The following SH3BP5L variants were observed in gnomAD, a reference collection of about 807,000 sequenced individuals.
SH3BP5L encodes the protein SH3 binding domain protein 5 like, also known as SH3 domain-binding protein 5-like.
In SH3BP5L, 16 loss-of-function variants were observed where a neutral mutation model predicts 40.9. The observed-to-expected ratio is 0.39, with a 90% CI of 0.27 to 0.59. The LOEUF (loss-of-function observed/expected upper bound fraction) is 0.59, where lower values mean the gene tolerates loss of function less well. Among genes scored for constraint, SH3BP5L ranks in the 20% least tolerant of loss-of-function variants. The probability of loss-of-function intolerance (pLI) is 0.53; values close to 1 mark genes in which losing one functional copy is unlikely to be tolerated. For missense variants in SH3BP5L, 471 were observed against 544.6 expected, an observed-to-expected ratio of 0.86 and a Z score of 1.35; for synonymous variants, 229 against 226.7, an observed-to-expected ratio of 1.01 and a Z score of -0.09.
intron 4 of SH3BP5L, among the ~76,000 whole-genome samples, chr1:248,815,862 CT>C (rs1664091783): frequency 6.6e-6 from 1 of 152,208 alleles, no homozygotes; most frequent in South Asian, 2.1e-4. Context: ...TCACTTCTGC[CT>C]CCTGAAGGAC....
At chr1:248,814,055 T>A (rs984581070) in intron 5 of SH3BP5L, 2 of 205,616 alleles carry the variant, frequency 9.7e-6, no homozygotes, top group Non-Finnish European at 2.0e-5. Flanking sequence ...ACATAAATTA[T>A]ACTTCAAAAC....
intron 2 of SH3BP5L, among the ~76,000 whole-genome samples, chr1:248,822,297 C>T (rs556778752): frequency 2.7e-4 from 41 of 152,198 alleles, no homozygotes; most frequent in Non-Finnish European, 5.6e-4. Flanking sequence ...AAAATGCCAC[C>T]GGCCTCCTCC....
rs368516065 is a variant in SH3BP5L at position 248,816,853 on chromosome 1, T to A, written c.215A>T (p.Glu72Val). Residue 72 changes from glutamate (E) to valine (V), a missense_variant, in exon 3 of 7, where the codon GAG becomes GTG. Around this residue, in one of 2 missense-constraint regions of SH3BP5L, gnomAD observed 275 missense variants for 370.1 expected, o/e 0.74. Transcript: ENST00000366472. ...EELEHLNQAS[E>V]EINQVELQLD... is the part of the protein sequence containing the mutation. ...CTGTAGTTCCACCTGGTTGATCTCCTCGCTGGCCTGGTTCAGGTGCTCCAA... is the reference window on the plus strand; with the variant it reads ...CTGTAGTTCCACCTGGTTGATCTCCACGCTGGCCTGGTTCAGGTGCTCCAA... The A allele has an allele frequency of 7.4e-6, 12 of 1,614,052 alleles. No homozygotes were observed. The highest frequency in any genetic ancestry group is 1.0e-5 in the Non-Finnish European group (12 of 1,180,036).
At chr1:248,815,665 C>T (rs1480414909) in intron 4 of SH3BP5L, among the ~76,000 whole-genome samples, 2 of 152,144 alleles carry the variant, frequency 1.3e-5, no homozygotes, top group Admixed American at 6.6e-5. Flanking sequence ...CCGACCAAGC[C>T]GATATTTCCT....
intron 2 of SH3BP5L, among the ~76,000 whole-genome samples, chr1:248,817,904 C>T (rs1280479788): frequency 1.3e-5 from 2 of 152,122 alleles, no homozygotes; most frequent in African/African-American, 4.8e-5. Context: ...CAAAGGGGAG[C>T]AGGTACCCTG....
chr1:248,819,807 A>C (rs1664206627), intron 2 of SH3BP5L, among the ~76,000 whole-genome samples: 1 of 152,078 alleles, frequency 6.6e-6, no homozygotes, highest in African/African-American at 2.4e-5. Context: ...CCTGGGCTGC[A>C]TGCGGCCCAC....
intron 4 of SH3BP5L, among the ~76,000 whole-genome samples, chr1:248,815,372 A>C (rs1240401475): frequency 6.6e-6 from 1 of 152,234 alleles, no homozygotes; most frequent in African/African-American, 2.4e-5. Context: ...AAAAGAACAA[A>C]ATAGCACATA....
At position 248,816,898 on chromosome 1, in the gene SH3BP5L, G is replaced by C; in HGVS notation, c.184-14C>G. On this transcript the variant is annotated splice_polypyrimidine_tract_variant and intron_variant, in intron 2 of 6. Coordinates refer to ENST00000366472, the MANE Select transcript of SH3BP5L (RefSeq NM_030645.3). Reference sequence around the variant, plus strand: ...CTCCAACTCCTCCTGCCACAGAGAGGGGTGGCAAATTAGTGCAGTGGAAGG... The same window carrying C: ...CTCCAACTCCTCCTGCCACAGAGAGCGGTGGCAAATTAGTGCAGTGGAAGG... 6.2e-7 allele frequency: 1 copy of C among 1,614,080 alleles called. No homozygotes were observed. The highest frequency in any genetic ancestry group is 8.5e-7 in the Non-Finnish European group (1 of 1,179,950).
intron 5 of SH3BP5L, 155 bp downstream of exon 5, chr1:248,814,294 C>T: frequency 2.4e-6 from 2 of 818,024 alleles, no homozygotes; most frequent in Non-Finnish European, 3.8e-6. Context: ...GGAGGCCAAA[C>T]AGAACAGAAA....
At chr1:248,823,260 T>C (rs1050890951) in intron 2 of SH3BP5L, among the ~76,000 whole-genome samples, 1 of 152,216 alleles carries the variant, frequency 6.6e-6, no homozygotes, top group African/African-American at 2.4e-5. Flanking sequence ...TTTCCCAAAG[T>C]GCTATCTACA....
chr1:248,825,817 C>T lies in SH3BP5L; in HGVS notation c.-432+18G>A. The T allele has an allele frequency of 2.1e-5, 16 of 749,922 alleles. No homozygotes were observed. Among genetic ancestry groups the T allele is most frequent in the African/African-American group, 2.6e-5 (1 of 38,108 alleles). 46.5% of individuals were successfully genotyped at this position (749,922 alleles called of 1,614,324 possible). A position where few individuals can be genotyped will look rare whatever the true frequency, so the allele number is the denominator to read the frequency against. ...CATTCTACCCAGCCATGCGCAAAAG[C>T]CCCCCGCACAGCCTTACCTCAGTTT... On this transcript the variant is annotated intron_variant, in intron 1 of 6. Coordinates refer to ENST00000366472, the MANE Select transcript of SH3BP5L (RefSeq NM_030645.3).
In SH3BP5L at chr1:248,825,120, G is replaced by T; in HGVS notation, c.-185C>A. 2 of 1,395,270 alleles carry T rather than the reference G, an allele frequency of 1.4e-6. No individual in the cohort carries two copies. The highest frequency in any genetic ancestry group is 2.6e-5 in the East Asian group (1 of 37,766). The allele number at this position is 1,395,270 out of a possible 1,614,324, so 86.4% of individuals were successfully genotyped here. A position where few individuals can be genotyped will look rare whatever the true frequency, so the allele number is the denominator to read the frequency against. ...AGAGGTTGAGATTCAAGTTGTCAGT[G>T]GGGTTCCTAGAGCTGAAGCCTTGTC... On this transcript the variant is annotated 5_prime_UTR_variant, in exon 2 of 7. Coordinates refer to ENST00000366472, the MANE Select transcript of SH3BP5L (RefSeq NM_030645.3).
Position 248,824,926 on chromosome 1 carries a change from G to A in SH3BP5L, c.10C>T (p.Leu4Phe). 6 of 1,612,940 alleles carry A rather than the reference G, an allele frequency of 3.7e-6. No individual in the cohort carries two copies. Among genetic ancestry groups the A allele is most frequent in the Non-Finnish European group, 4.2e-6 (5 of 1,179,494 alleles). MAE[L>F]RQVPGGRETP... ...TCCCGCCCTCCTGGAACCTGTCTGA[G>A]CTCAGCCATGCTGACAGGGGGAGGG... Residue 4 changes from leucine to phenylalanine, a missense_variant, in exon 2 of 7, where the codon CTC (leucine) becomes TTC (phenylalanine). By Grantham distance (22) the Leu-to-Phe change is conservative. Coordinates refer to ENST00000366472, the MANE Select transcript of SH3BP5L (RefSeq NM_030645.3).
intron 2 of SH3BP5L, among the ~76,000 whole-genome samples, chr1:248,822,588 A>T (rs1373288828): frequency 6.6e-6 from 1 of 152,180 alleles, no homozygotes; most frequent in East Asian, 1.9e-4. Flanking sequence ...CAACTCTCAT[A>T]GAGCTCATCT....
intron 5 of SH3BP5L, 25 bp from the exon 6 acceptor site, chr1:248,813,187 G>T: frequency 1.3e-6 from 2 of 1,504,368 alleles, no homozygotes; most frequent in Non-Finnish European, 1.8e-6. Context: ...ACATCACTGA[G>T]CCAGGACCCA....
rs555804872 is a variant in SH3BP5L at position 248,811,987 on chromosome 1, G to A, written c.1095C>T (p.Gly365=). 6.2e-6 allele frequency: 10 copies of A among 1,603,316 alleles called. No homozygotes were observed. The highest frequency in any genetic ancestry group is 8.5e-6 in the Non-Finnish European group (10 of 1,175,968). Residue 365 remains glycine (G), a synonymous_variant, in exon 7 of 7, where the codon GGC becomes GGT. Coordinates refer to ENST00000366472, the MANE Select transcript of SH3BP5L (RefSeq NM_030645.3). The stretch of plus-strand genomic sequence containing the variant: ...CTCCACTCCGCGTTCCCAGCTCTTG[G>A]CCGTCCAGACTGACGTGGTCCGAGA... ...RGLSDHVSLD[G]QELGTRSGGR... is the part of the protein sequence containing the mutation.
chr1:248,824,186 G>T (rs1572187502), intron 2 of SH3BP5L, among the ~76,000 whole-genome samples: 1 of 152,202 alleles, frequency 6.6e-6, no homozygotes, highest in East Asian at 1.9e-4. Context: ...AACATATGGG[G>T]TTTCTTTATA....
At chr1:248,818,082 T>G (rs1047629614) in intron 2 of SH3BP5L, among the ~76,000 whole-genome samples, 2 of 151,836 alleles carry the variant, frequency 1.3e-5, no homozygotes, top group Non-Finnish European at 2.9e-5. Flanking sequence ...GCATGGTGGC[T>G]CACACCTGTA....
At chr1:248,819,730 CA>C (rs1162313925) in intron 2 of SH3BP5L, among the ~76,000 whole-genome samples, 2 of 132,634 alleles carry the variant, frequency 1.5e-5, no homozygotes, top group African/African-American at 5.7e-5. Flanking sequence ...AAAAAAATCA[CA>C]AAAAAAAATC....
Sources: allele counts gnomAD v4.1 joint callset (sites outside exome capture counted in the v4.1 genomes callset), GRCh38; gene constraint gnomAD v4.1.1; regional missense constraint gnomAD v4.1.1; transcripts MANE v1.5; gene names NCBI Gene and HGNC (gene_info 2026-07-23, HGNC 2026-07-21).